Variants in MKI67 observed in about 807,000 individuals in gnomAD.
MKI67 encodes the protein proliferation marker protein Ki-67.
In MKI67, 152 loss-of-function variants were observed where a neutral mutation model predicts 233.5. The ratio of observed to expected loss-of-function variants is 0.65; its 90% CI spans 0.57 to 0.74. The LOEUF is 0.74. Ranked by LOEUF, MKI67 falls within the 30% of genes least tolerant of loss-of-function variation. The pLI is 0.00. For missense variants in MKI67, 3,940 were observed against 3,885.2 expected (o/e 1.01, Z -0.37); for synonymous variants, 1,465 against 1,418.5 (o/e 1.03, Z -0.74).
intron 13 of MKI67, 136 bp downstream of exon 13, chr10:128,102,443 G>A: frequency 1.9e-6 from 2 of 1,041,374 alleles, no homozygotes; most frequent in South Asian, 1.6e-5. Context: ...ACCATGGCCT[G>A]CAGTTATTCA....
At chr10:128,116,936 T>A (rs1198294184) in intron 5 of MKI67, among the ~76,000 whole-genome samples, 3 of 152,166 alleles carry the variant, frequency 2.0e-5, no homozygotes, top group Admixed American at 2.0e-4. Context: ...AATAAAAAAT[T>A]GTTTTCTTTA....
Position 128,105,182 on chromosome 10 carries a change from C to T in MKI67, c.6658G>A (p.Ala2220Thr), listed in dbSNP as rs759944056. 5.0e-6 allele frequency: 8 copies of T among 1,613,104 alleles called. No homozygotes were observed. The highest frequency in any genetic ancestry group is 6.8e-6 in the Non-Finnish European group (8 of 1,179,806). The stretch of plus-strand genomic sequence containing the variant: ...GGGTCTGGTTGTGGAGATCTGCAGG[C>T]TATTTTGGTAGTTTTCTCATGAGTC... ...PTTHEKTTKI[A>T]CRSPQPDPVG... The change falls in exon 13 of 15, where the codon GCC becomes ACC. Residue 2220 changes from alanine to threonine, a missense_variant. Coordinates refer to ENST00000368654, the MANE Select transcript of MKI67 (RefSeq NM_002417.5).
Position 128,098,420 on chromosome 10 carries a change from GGA to G in MKI67, c.*768_*769del, listed in dbSNP as rs2136121363. 1 of 152,302 alleles carries G rather than the reference GGA, an allele frequency of 6.6e-6. No individual in the cohort carries two copies. Among genetic ancestry groups the G allele is most frequent in the East Asian group, 1.9e-4 (1 of 5,176 alleles). The allele number at this position is 152,302 out of a possible 1,614,324, so 9.4% of individuals were successfully genotyped here. On this transcript the variant is annotated 3_prime_UTR_variant, in exon 15 of 15. Transcript: ENST00000368654. ...CGAAGCTTTCAATGACAGGAAAGCT[GGA>G]GATTAGGAGCCAGTTTGAGGTCGTG...
chr10:128,115,568 T>A lies in MKI67; in HGVS notation c.840A>T (p.Leu280Phe). The stretch of plus-strand genomic sequence containing the variant: ...AGACCAACAGTTGGGTCTCCCCCTG[T>A]AAACCATCAGCACTTTCTTTCTCTG... ...YATEKESADG[L>F]QGETQLLVSR... is the part of the protein sequence containing the mutation. The change falls in exon 7 of 15, where the codon TTA becomes TTT. Residue 280 changes from leucine to phenylalanine, a missense_variant. Physicochemically the swap from Leu to Phe is conservative, Grantham distance 22. Transcript: ENST00000368654. 1 of 1,614,256 alleles carries A rather than the reference T, an allele frequency of 6.2e-7. No individual in the cohort carries two copies. The highest frequency in any genetic ancestry group is 8.5e-7 in the Non-Finnish European group (1 of 1,180,048).
intron 12 of MKI67, among the ~76,000 whole-genome samples, chr10:128,110,060 T>C (rs977580150): frequency 6.6e-6 from 1 of 152,220 alleles, no homozygotes; most frequent in Non-Finnish European, 1.5e-5. Flanking sequence ...ATATGAGTAA[T>C]TTATATGTAA....
rs562456090 is a variant in MKI67, at chr10:128,125,686, AGTATAATCCGTAGGGGAAGGCCAG to A, written c.-43_-20del. The A allele has an allele frequency of 9.3e-4, 1,502 of 1,606,646 alleles. 10 individuals carry two copies. The highest frequency in any genetic ancestry group is 6.9e-3 in the South Asian group (631 of 90,870). On this transcript the variant is annotated 5_prime_UTR_variant, in exon 2 of 15. Transcript: ENST00000368654. This position sits in a 1 kb window ranked among gnomAD's most constrained non-coding sequence, Gnocchi z 5.3. ...GCCACATTTTCTAAACAGTAAGTTG[AGTATAATCCGTAGGGGAAGGCCAG>A]GTATAATCCGTAGGGGAAGGCCAGA...
rs1306029705 is a variant in MKI67, at chr10:128,098,049, G to A, written c.*1141C>T. 1 of 152,342 alleles carries A rather than the reference G, an allele frequency of 6.6e-6. No homozygotes were observed. The highest frequency in any genetic ancestry group is 1.9e-4 in the East Asian group (1 of 5,180). The allele number at this position is 152,342 out of a possible 1,614,324, so 9.4% of individuals were successfully genotyped here. On this transcript the variant is annotated 3_prime_UTR_variant, in exon 15 of 15. Transcript: ENST00000368654. ...ATCCTCACCTGCACCTGGCAAGGTG[G>A]GTGAATGGGGAGGAATCCAGACAGG...
Position 128,105,689 on chromosome 10 carries a change from C to T in MKI67, c.6151G>A (p.Asp2051Asn). Reference sequence around the variant, plus strand: ...ATCCCAGTTCCATAGTTTGCTGGGTCCAGCATCTGCTTTGCAGATTCCTTA... The same window carrying T: ...ATCCCAGTTCCATAGTTTGCTGGGTTCAGCATCTGCTTTGCAGATTCCTTA... ...AFKESAKQML[D>N]PANYGTGMER... is the part of the protein sequence containing the mutation. Residue 2051 changes from aspartate to asparagine, a missense_variant, in exon 13 of 15, where the codon GAC becomes AAC. Transcript: ENST00000368654. 1.2e-6 allele frequency: 2 copies of T among 1,614,048 alleles called. No homozygotes were observed. The highest frequency in any genetic ancestry group is 1.7e-6 in the Non-Finnish European group (2 of 1,180,028).
chr10:128,117,873 G>A (rs962712923), intron 5 of MKI67, among the ~76,000 whole-genome samples: 1 of 152,188 alleles, frequency 6.6e-6, no homozygotes, highest in Non-Finnish European at 1.5e-5. Flanking sequence ...CTCCATTTCA[G>A]TACTCACTAT....
At chr10:128,111,380 C>T (rs775763203) in intron 11 of MKI67, 13 of 351,400 alleles carry the variant, frequency 3.7e-5, no homozygotes, top group Middle Eastern at 7.7e-4. Flanking sequence ...TCTATGTATA[C>T]GCTGCTCTCC....
At position 128,108,219 on chromosome 10, in the gene MKI67, G is replaced by A. The variant is rs764253744; in HGVS notation, c.3621C>T (p.Ser1207=). Residue 1207 remains serine, a synonymous_variant, in exon 13 of 15, where the codon AGC becomes AGT. Coordinates refer to ENST00000368654, the MANE Select transcript of MKI67 (RefSeq NM_002417.5). ...CCTTAGGAGTCTGTAGCTGTCTTTT[G>A]CTGCCAGGTAAAGTTCCTGCCAGGT... is the stretch of plus-strand genomic sequence containing the variant. ...KLDLAGTLPG[S]KRQLQTPKEK... The A allele has an allele frequency of 3.7e-6, 6 of 1,611,500 alleles. No individual in the cohort carries two copies. The East Asian group carries it at 1.1e-4, about 30-fold the overall frequency.
chr10:128,125,772 G>T lies in MKI67; in HGVS notation c.-89-16C>A. On this transcript the variant is annotated splice_polypyrimidine_tract_variant and intron_variant, in intron 1 of 14. Coordinates refer to ENST00000368654, the MANE Select transcript of MKI67 (RefSeq NM_002417.5). This position sits in a 1 kb window ranked among gnomAD's most constrained non-coding sequence, Gnocchi z 5.3. ...AACTCTTCCACTGCAAAAGAGGTGC[G>T]AGTTACTCTGATAGCAAAGGAGCTA... 1.1e-6 allele frequency: 1 copy of T among 933,430 alleles called. No homozygotes were observed. Among genetic ancestry groups the T allele is most frequent in the Non-Finnish European group, 1.7e-6 (1 of 574,652 alleles). The allele number at this position is 933,430 out of a possible 1,614,324, so 57.8% of individuals were successfully genotyped here.
chr10:128,111,231 A>G (rs138379986), intron 11 of MKI67, among the ~76,000 whole-genome samples: 255 of 152,324 alleles, frequency 1.7e-3, no homozygotes, highest in African/African-American at 5.6e-3. Flanking sequence ...TTCTTTCAAG[A>G]AAGTTAAGCT....
chr10:128,114,008 G>A (rs188556094), intron 7 of MKI67, among the ~76,000 whole-genome samples: 1 of 152,260 alleles, frequency 6.6e-6, no homozygotes, highest in East Asian at 1.9e-4. Flanking sequence ...CCTCCAGGTG[G>A]TTCTGAGTCA....
chr10:128,110,480 T>C lies in MKI67; in HGVS notation c.2314A>G (p.Thr772Ala). Residue 772 changes from threonine (T) to alanine (A), a missense_variant, in exon 12 of 15, where the codon ACA becomes GCA. Thr to Ala is a moderately conservative substitution (Grantham distance 58). Transcript: ENST00000368654. ...GAATTTGAAATAGCGATGTGACATG[T>C]GCTTGTCAACTGCGGTTGCTCCTTC... ...PVKEQPQLTS[T>A]CHIAISNSEN... 6.3e-7 allele frequency: 1 copy of C among 1,580,758 alleles called. No individual in the cohort carries two copies. The highest frequency in any genetic ancestry group is 8.7e-7 in the Non-Finnish European group (1 of 1,153,904).
At position 128,101,505 on chromosome 10, in the gene MKI67, T is replaced by G. The variant is rs1852333017; in HGVS notation, c.9458A>C (p.Lys3153Thr). The G allele has an allele frequency of 6.2e-7, 1 of 1,614,232 alleles. No homozygotes were observed. Among genetic ancestry groups the G allele is most frequent in the Non-Finnish European group, 8.5e-7 (1 of 1,180,034 alleles). The change falls in exon 14 of 15, where the codon AAA (lysine) becomes ACA (threonine). Residue 3153 changes from lysine (K) to threonine (T), a missense_variant. Physicochemically the swap from Lys to Thr is moderately conservative, Grantham distance 78. Coordinates refer to ENST00000368654, the MANE Select transcript of MKI67 (RefSeq NM_002417.5). ...PIPRDKVTEN[K>T]RCLRSARQNE... ...CTGTCTAGCAGACCTCAAGCACCTT[T>G]TGTTCTCAGTGACTTTGTCTCTAGG...
rs1852535110 is a variant in MKI67 at position 128,107,487 on chromosome 10, G to C, written c.4353C>G (p.Ser1451Arg). The stretch of plus-strand genomic sequence containing the variant: ...TTTCCTTAGTTTTTGGGTGCCTCTT[G>C]CTACCAGTTACACTTGCTGCTGGGT... ...KLDPAASVTGSKRHPKTKEKA... is the reference protein window; with the variant it reads ...KLDPAASVTGRKRHPKTKEKA... The change falls in exon 13 of 15, where the codon AGC becomes AGG. Residue 1451 changes from serine (S) to arginine (R), a missense_variant. By Grantham distance (110) the Ser-to-Arg change is moderately radical. Transcript: ENST00000368654. The C allele has an allele frequency of 1.3e-5, 21 of 1,613,920 alleles. No individual in the cohort carries two copies. Among genetic ancestry groups the C allele is most frequent in the Non-Finnish European group, 1.7e-5 (20 of 1,179,998 alleles).
At chr10:128,101,829 G>T in intron 13 of MKI67, 128 bp from the exon 14 acceptor site, 1 of 736,106 alleles carries the variant, frequency 1.4e-6, no homozygotes, top group Non-Finnish European at 2.2e-6. Flanking sequence ...CTGATGAATT[G>T]TCTAAGAGAC....
Position 128,114,995 on chromosome 10 carries a change from AGCT to A in MKI67, c.1410_1412del (p.Ala471del). The A allele has an allele frequency of 6.2e-7, 1 of 1,609,168 alleles. No individual in the cohort carries two copies. The highest frequency in any genetic ancestry group is 8.5e-7 in the Non-Finnish European group (1 of 1,175,632). On this transcript the variant is annotated inframe_deletion, in exon 7 of 15. Transcript: ENST00000368654. ...CAGGTAACCCAGAGCACATCTGTCC[AGCT>A]GTAGTGCCCAATTTCTCAGGCTTGC... is the stretch of plus-strand genomic sequence containing the variant.
Sources: allele counts gnomAD v4.1 joint callset (sites outside exome capture counted in the v4.1 genomes callset), GRCh38; gene constraint gnomAD v4.1.1; non-coding constraint Gnocchi (gnomAD v3.1); transcripts MANE v1.5; gene names NCBI Gene and HGNC (gene_info 2026-07-23, HGNC 2026-07-21).